RIT2: variants seen among roughly 807,000 people sequenced by gnomAD.
RIT2 encodes the protein GTP-binding protein Rit2.
In RIT2, 24 loss-of-function variants were observed where a neutral mutation model predicts 23.7. That is an observed-to-expected ratio of 1.01 (90% confidence interval 0.73 to 1.43). The LOEUF (loss-of-function observed/expected upper bound fraction) is 1.43. Among genes scored for constraint, RIT2 ranks in the 40% most tolerant of loss-of-function variants. The probability of loss-of-function intolerance (pLI) is 0.00; values close to 1 mark genes in which losing one functional copy is unlikely to be tolerated. For missense variants in RIT2, 236 were observed against 266.9 expected (o/e 0.88, Z 0.81); for synonymous variants, 107 against 91.1 (o/e 1.17, Z -0.99).
intron 2 of RIT2, among the ~76,000 whole-genome samples, chr18:43,030,892 T>A (rs1911838605): frequency 6.6e-6 from 1 of 152,056 alleles, no homozygotes; most frequent in African/African-American, 2.4e-5. Context: ...CATGTTTAGT[T>A]TTTCTGCCTT....
intron 3 of RIT2, among the ~76,000 whole-genome samples, chr18:42,955,469 A>C (rs748234203): frequency 6.6e-6 from 1 of 152,128 alleles, no homozygotes; most frequent in Non-Finnish European, 1.5e-5. Flanking sequence ...TCTCCACTTA[A>C]GTTTTAAAGA....
chr18:42,837,884 A>T (rs975087428), intron 4 of RIT2, among the ~76,000 whole-genome samples: 8 of 152,320 alleles, frequency 5.3e-5, no homozygotes, highest in Admixed American at 5.2e-4. Context: ...GTACCAATGA[A>T]ATTAGGTAAA....
chr18:42,792,951 C>A (rs1914076048), intron 4 of RIT2, among the ~76,000 whole-genome samples: 1 of 152,040 alleles, frequency 6.6e-6, no homozygotes, highest in South Asian at 2.1e-4. Flanking sequence ...ATTTTTCTAT[C>A]CAAAGTAATA....
chr18:42,815,586 G>C (rs551734724), intron 4 of RIT2, among the ~76,000 whole-genome samples: 2 of 152,286 alleles, frequency 1.3e-5, no homozygotes, highest in South Asian at 4.1e-4. Context: ...TCTATATACA[G>C]TATGTATGCA....
At chr18:42,944,436 C>T (rs144043317) in intron 3 of RIT2, among the ~76,000 whole-genome samples, 1 of 152,038 alleles carries the variant, frequency 6.6e-6, no homozygotes, top group Non-Finnish European at 1.5e-5. Flanking sequence ...AGCAATGTCC[C>T]CTAGCCTGAG....
At chr18:43,033,672 C>T in intron 2 of RIT2, 139 bp downstream of exon 2, 1 of 645,322 alleles carries the variant, frequency 1.5e-6, no homozygotes, top group East Asian at 2.8e-5. Context: ...TGGTACGTTA[C>T]ATATGATAGA....
At chr18:43,012,124 A>C (rs565773403) in intron 2 of RIT2, among the ~76,000 whole-genome samples, 1 of 151,928 alleles carries the variant, frequency 6.6e-6, no homozygotes, top group East Asian at 1.9e-4. Context: ...TTAATAATAC[A>C]ATTCAAGTTT....
At chr18:43,071,741 G>T (rs1912902046) in intron 1 of RIT2, among the ~76,000 whole-genome samples, 1 of 152,032 alleles carries the variant, frequency 6.6e-6, no homozygotes, top group Non-Finnish European at 1.5e-5. Context: ...ATTTTAATAT[G>T]ATTGGTTTTC....
At chr18:42,753,374 ACT>A (rs757518262) in intron 4 of RIT2, among the ~76,000 whole-genome samples, 8 of 152,310 alleles carry the variant, frequency 5.3e-5, no homozygotes, top group Non-Finnish European at 1.2e-4. Context: ...ACAAAAGGAA[ACT>A]CTGACACTGC....
intron 3 of RIT2, among the ~76,000 whole-genome samples, chr18:42,936,509 T>C (rs1909462550): frequency 6.6e-6 from 1 of 152,170 alleles, no homozygotes; most frequent in Admixed American, 6.5e-5. Flanking sequence ...TTCTGAGTAA[T>C]GTTGGACTGC....
intron 4 of RIT2, among the ~76,000 whole-genome samples, chr18:42,745,066 G>T (rs932180073): frequency 2.0e-5 from 3 of 152,092 alleles, no homozygotes; most frequent in Non-Finnish European, 4.4e-5. Context: ...ATTACCCAGG[G>T]TTGAATAAGT....
intron 4 of RIT2, among the ~76,000 whole-genome samples, chr18:42,870,630 A>G (rs1907596796): frequency 6.6e-6 from 1 of 152,146 alleles, no homozygotes; most frequent in South Asian, 2.1e-4. Context: ...AAACGCTACT[A>G]CTGAAGATCC....
chr18:42,753,196 C>T (rs1220079132), intron 4 of RIT2, among the ~76,000 whole-genome samples: 2 of 152,204 alleles, frequency 1.3e-5, no homozygotes, highest in Non-Finnish European at 2.9e-5. Context: ...ATTAGACTTT[C>T]AGTCCCAACA....
chr18:42,857,125 G>A (rs946248633), intron 4 of RIT2, among the ~76,000 whole-genome samples: 2 of 103,472 alleles, frequency 1.9e-5, no homozygotes, highest in African/African-American at 1.5e-4. Context: ...CGGCCAAGAC[G>A]TTTTTAATTA....
chr18:43,026,678 CT>C lies in RIT2; in HGVS notation c.160+7132del, dbSNP rs77653227. Among the ~76,000 whole-genome samples, 396 of 138,588 alleles carry C rather than the reference CT, an allele frequency of 2.9e-3. 2 individuals carry two copies. Among genetic ancestry groups the C allele is most frequent in the Admixed American group, 5.0e-3 (70 of 13,886 alleles). 90.9% of individuals were successfully genotyped at this position (138,588 alleles called of 152,430 possible). A position where few individuals can be genotyped will look rare whatever the true frequency, so the allele number is the denominator to read the frequency against. ...GCTGTAGATGAAAAAGTTTTTCTTT[CT>C]TTTTTTTTTTTTGTAGAAAGAACCA... On this transcript the variant is annotated intron_variant, in intron 2 of 4. Transcript: ENST00000326695.
chr18:42,792,644 G>T (rs1448084012), intron 4 of RIT2, among the ~76,000 whole-genome samples: 1 of 152,126 alleles, frequency 6.6e-6, no homozygotes, highest in African/African-American at 2.4e-5. Flanking sequence ...GAACGATAAG[G>T]AATGTATAGA....
intron 4 of RIT2, among the ~76,000 whole-genome samples, chr18:42,887,289 G>A (rs1157906914): frequency 6.6e-6 from 1 of 151,982 alleles, no homozygotes; most frequent in Non-Finnish European, 1.5e-5. Context: ...GTTTATTTGA[G>A]AAAAAATAAA....
intron 4 of RIT2, among the ~76,000 whole-genome samples, chr18:42,813,373 A>G (rs950832491): frequency 2.6e-5 from 4 of 152,160 alleles, no homozygotes; most frequent in African/African-American, 9.6e-5. Flanking sequence ...ACATCTGTAG[A>G]TGGATTTTTC....
chr18:42,863,334 C>T (rs1028496250), intron 4 of RIT2, among the ~76,000 whole-genome samples: 12 of 152,008 alleles, frequency 7.9e-5, no homozygotes, highest in African/African-American at 2.4e-4. Context: ...TCTCATCATT[C>T]GAAAGGACAC....
Sources: allele counts gnomAD v4.1 joint callset (sites outside exome capture counted in the v4.1 genomes callset), GRCh38; gene constraint gnomAD v4.1.1; transcripts MANE v1.5; gene names NCBI Gene and HGNC (gene_info 2026-07-23, HGNC 2026-07-21).